Variants in MYO18B observed in about 807,000 individuals in gnomAD.
The protein encoded by MYO18B is unconventional myosin-XVIIIb.
MYO18B carries 204 observed loss-of-function variants against 273.0 expected under a neutral mutation model. The observed-to-expected ratio is 0.75, with a 90% CI of 0.67 to 0.84. The LOEUF is 0.84. MYO18B is among the 40% of genes least tolerant of loss of function. MYO18B has a pLI of 0.00. For missense variants in MYO18B, 3,212 were observed against 3,287.6 expected (o/e 0.98, Z 0.56); for synonymous variants, 1,330 against 1,305.7 (o/e 1.02, Z -0.40).
At chr22:25,791,607 A>T (rs775841139) in intron 11 of MYO18B, among the ~76,000 whole-genome samples, 3 of 150,556 alleles carry the variant, frequency 2.0e-5, no homozygotes, top group African/African-American at 7.3e-5. Flanking sequence ...ACCTAGCCTA[A>T]TTTTTTTTTT....
chr22:25,981,662 G>A (rs1049220875), intron 39 of MYO18B, among the ~76,000 whole-genome samples: 7 of 152,138 alleles, frequency 4.6e-5, no homozygotes, highest in Admixed American at 6.5e-5. Flanking sequence ...GGAGGATCAC[G>A]TGGGATCAGG....
chr22:25,786,006 T>C (rs1000833665), intron 11 of MYO18B, among the ~76,000 whole-genome samples: 9 of 152,212 alleles, frequency 5.9e-5, no homozygotes, highest in African/African-American at 2.2e-4. Context: ...GAATATAGTC[T>C]ATGAGTGGGG....
intron 38 of MYO18B, among the ~76,000 whole-genome samples, chr22:25,953,850 G>A (rs1414290962): frequency 6.6e-6 from 1 of 152,102 alleles, no homozygotes; most frequent in Non-Finnish European, 1.5e-5. Context: ...GTAGAATCCT[G>A]GGTCTTTGAG....
At chr22:25,871,627 T>G (rs891594621) in intron 22 of MYO18B, among the ~76,000 whole-genome samples, 3 of 152,202 alleles carry the variant, frequency 2.0e-5, no homozygotes, top group South Asian at 4.1e-4. Flanking sequence ...TCCGATAAGC[T>G]GCTGGACCCA....
chr22:25,921,724 G>GTA (rs2092346627), intron 34 of MYO18B, among the ~76,000 whole-genome samples: 2 of 145,408 alleles, frequency 1.4e-5, no homozygotes, highest in African/African-American at 5.0e-5. Flanking sequence ...GTGTGTGTGT[G>GTA]TGTGTGTGTG....
At chr22:25,832,811 G>A in intron 15 of MYO18B, 106 bp from the exon 16 acceptor site, 1 of 927,650 alleles carries the variant, frequency 1.1e-6, no homozygotes, top group Non-Finnish European at 1.6e-6. Flanking sequence ...TTTTTTTAAA[G>A]GGCCAAGAGG....
intron 34 of MYO18B, among the ~76,000 whole-genome samples, chr22:25,929,143 C>T (rs981110359): frequency 1.8e-5 from 2 of 109,150 alleles, no homozygotes; most frequent in African/African-American, 3.8e-5. Flanking sequence ...GCCTGGGCAA[C>T]AAGAGCGAAA....
intron 34 of MYO18B, among the ~76,000 whole-genome samples, chr22:25,938,958 C>T (rs890329169): frequency 6.6e-6 from 1 of 152,192 alleles, no homozygotes; most frequent in African/African-American, 2.4e-5. Context: ...GCTGGGACTA[C>T]AGGCGCTCCA....
intron 16 of MYO18B, among the ~76,000 whole-genome samples, 196 bp downstream of exon 16, chr22:25,833,193 G>C (rs1569084974): frequency 6.6e-6 from 1 of 152,214 alleles, no homozygotes; most frequent in Admixed American, 6.5e-5. Context: ...GGCCTGAACA[G>C]TGGAAATTTA....
chr22:25,778,600 C>T (rs1466672353), intron 8 of MYO18B, among the ~76,000 whole-genome samples: 1 of 152,038 alleles, frequency 6.6e-6, no homozygotes, highest in Non-Finnish European at 1.5e-5. Flanking sequence ...CCACCTCAGC[C>T]TCCTGAGTAG....
chr22:25,818,646 G>A (rs1403108489), intron 12 of MYO18B, among the ~76,000 whole-genome samples: 3 of 152,164 alleles, frequency 2.0e-5, no homozygotes, highest in African/African-American at 7.2e-5. Flanking sequence ...ATTCCACATG[G>A]CCTCTTTAAA....
intron 28 of MYO18B, chr22:25,896,304 T>A (rs796980604): frequency 6.6e-6 from 1 of 152,102 alleles, no homozygotes; most frequent in Non-Finnish European, 1.5e-5. Context: ...GAGCTTTTAT[T>A]TTCTCTTCTC....
intron 8 of MYO18B, among the ~76,000 whole-genome samples, chr22:25,778,028 A>G (rs1412081345): frequency 6.6e-6 from 1 of 152,324 alleles, no homozygotes; most frequent in East Asian, 1.9e-4. Flanking sequence ...ATACATGGAC[A>G]TTGTTAGAAC....
intron 25 of MYO18B, among the ~76,000 whole-genome samples, chr22:25,884,300 T>G (rs1251665269): frequency 1.3e-5 from 2 of 152,206 alleles, no homozygotes. Context: ...TGGTCACTGG[T>G]AACTGAGCCC....
rs770881865 is a variant in MYO18B, at chr22:26,026,483, C to T, written c.6509C>T (p.Ser2170Leu). The change falls in exon 43 of 44, where the codon TCG becomes TTG. Residue 2170 changes from serine (S) to leucine (L), a missense_variant. By Grantham distance (145) the Ser-to-Leu change is moderately radical. Transcript: ENST00000335473. Reference protein sequence around the residue: ...EEAGDTERTQSALALSRARST... With the variant: ...EEAGDTERTQLALALSRARST... ...GCTGGGGACACTGAGAGGACCCAGT[C>T]GGCATTGGCACTGAGCAGAGCCCGG... 1.4e-5 allele frequency: 23 copies of T among 1,613,370 alleles called. No individual in the cohort carries two copies. Among genetic ancestry groups the T allele is most frequent in the African/African-American group, 1.1e-4 (8 of 74,900 alleles).
rs756892522 is a variant in MYO18B, at chr22:25,767,250, C to G, written c.199-865C>G. ...TCTGCACAAGGCTAAAATCACAAGG[C>G]AGTAACAAGGCCTGGGAAGGGAGCA... is the stretch of plus-strand genomic sequence containing the variant. On this transcript the variant is annotated intron_variant, in intron 3 of 43. Coordinates refer to ENST00000335473, the MANE Select transcript of MYO18B (RefSeq NM_032608.7). Among the ~76,000 whole-genome samples the G allele has an allele frequency of 1.8e-3, 280 of 152,280 alleles. 2 individuals are homozygous for G. The highest frequency in any genetic ancestry group is 3.6e-3 in the Non-Finnish European group (247 of 68,026).
intron 19 of MYO18B, among the ~76,000 whole-genome samples, chr22:25,846,492 C>T (rs1179347235): frequency 1.3e-5 from 2 of 152,198 alleles, no homozygotes; most frequent in Non-Finnish European, 2.9e-5. Context: ...GTGACTGATC[C>T]AAATCTGAGG....
chr22:25,826,561 T>G, intron 14 of MYO18B, 62 bp downstream of exon 14: 2 of 1,436,158 alleles, frequency 1.4e-6, no homozygotes, highest in Non-Finnish European at 9.7e-7. Flanking sequence ...TGAATTCACA[T>G]ACCGGGCAGT....
chr22:25,765,785 G>T (rs2086483971), intron 3 of MYO18B, among the ~76,000 whole-genome samples: 1 of 152,160 alleles, frequency 6.6e-6, no homozygotes, highest in East Asian at 1.9e-4. Context: ...GTGGGAGGAG[G>T]CTGGCACTGG....
Sources: gnomAD v4.1 joint callset for allele counts (sites outside exome capture counted in the v4.1 genomes callset) on GRCh38, gnomAD v4.1.1 for gene constraint, MANE v1.5 for transcripts, NCBI Gene and HGNC (gene_info 2026-07-23, HGNC 2026-07-21) for gene names.